Variants in TRDN observed in about 807,000 individuals in gnomAD.
TRDN encodes the protein triadin, also known as triadin in skeletal muscle.
In TRDN, 161 loss-of-function variants were observed where a neutral mutation model predicts 149.7. The ratio of observed to expected loss-of-function variants is 1.08; its 90% CI spans 0.95 to 1.23. TRDN has a LOEUF of 1.23. TRDN is among the 50% of genes most tolerant of loss of function. TRDN has a pLI of 0.00. For missense variants in TRDN, 896 were observed against 823.5 expected (o/e 1.09, Z -1.08); for synonymous variants, 294 against 250.5 (o/e 1.17, Z -1.64).
intron 20 of TRDN, among the ~76,000 whole-genome samples, chr6:123,362,143 T>C (rs1176540316): frequency 1.3e-5 from 2 of 152,184 alleles, no homozygotes; most frequent in Non-Finnish European, 2.9e-5. Flanking sequence ...TTTTCTTTTC[T>C]TCCCTCCCAA....
chr6:123,223,855 C>T (rs1775254235), intron 39 of TRDN, among the ~76,000 whole-genome samples: 2 of 151,518 alleles, frequency 1.3e-5, no homozygotes, highest in African/African-American at 4.8e-5. Context: ...CAAATAAATG[C>T]ATCTGACAAT....
At chr6:123,512,035 G>A (rs1430002651) in intron 7 of TRDN, among the ~76,000 whole-genome samples, 1 of 146,838 alleles carries the variant, frequency 6.8e-6, no homozygotes, top group Admixed American at 6.9e-5. Context: ...CCATAGGGAT[G>A]ACACCAAGGG....
intron 19 of TRDN, 50 bp downstream of exon 19, chr6:123,375,555 T>C: frequency 6.7e-7 from 1 of 1,485,668 alleles, no homozygotes; most frequent in Non-Finnish European, 9.1e-7. Context: ...AAAATTCAAA[T>C]GAGTAAGCTG....
intron 10 of TRDN, among the ~76,000 whole-genome samples, chr6:123,454,826 G>C (rs1364798351): frequency 6.6e-6 from 1 of 152,218 alleles, no homozygotes. Flanking sequence ...AAGTGGAACA[G>C]TTTCATCCTG....
At chr6:123,356,503 T>TTATA (rs71021444) in intron 20 of TRDN, among the ~76,000 whole-genome samples, 1,583 of 106,248 alleles carry the variant, frequency 0.015, 32 homozygotes, top group Non-Finnish European at 0.019. Context: ...TACAAGAAGT[T>TTATA]TATATATATA....
intron 21 of TRDN, among the ~76,000 whole-genome samples, chr6:123,346,168 GT>G: frequency 6.6e-6 from 1 of 152,056 alleles, no homozygotes; most frequent in East Asian, 1.9e-4. Context: ...TAGGATTTTT[GT>G]AAAAATTATT....
At chr6:123,443,905 C>T (rs1775109671) in intron 10 of TRDN, among the ~76,000 whole-genome samples, 3 of 150,964 alleles carry the variant, frequency 2.0e-5, no homozygotes. Context: ...CAGTACCATG[C>T]TGTTTTGGTT....
intron 19 of TRDN, among the ~76,000 whole-genome samples, chr6:123,372,687 T>G (rs1267484342): frequency 2.6e-5 from 4 of 152,160 alleles, no homozygotes; most frequent in African/African-American, 9.6e-5. Flanking sequence ...TCACATATAT[T>G]TGGTAAACAA....
intron 38 of TRDN, among the ~76,000 whole-genome samples, chr6:123,247,745 C>G (rs1351903095): frequency 6.6e-6 from 1 of 152,106 alleles, no homozygotes; most frequent in African/African-American, 2.4e-5. Flanking sequence ...ATTAGAAAAA[C>G]TACTTTAGAT....
At chr6:123,454,159 G>C (rs1775963935) in intron 10 of TRDN, among the ~76,000 whole-genome samples, 1 of 151,982 alleles carries the variant, frequency 6.6e-6, no homozygotes. Flanking sequence ...AGGGACAAAA[G>C]ACTACAAATA....
chr6:123,256,332 C>T (rs1776562356), intron 35 of TRDN, among the ~76,000 whole-genome samples: 1 of 152,100 alleles, frequency 6.6e-6, no homozygotes, highest in Non-Finnish European at 1.5e-5. Context: ...TTTATGCAGT[C>T]TATCATTGAT....
At chr6:123,407,634 G>A (rs188345130) in intron 12 of TRDN, among the ~76,000 whole-genome samples, 1 of 151,910 alleles carries the variant, frequency 6.6e-6, no homozygotes, top group Admixed American at 6.6e-5. Flanking sequence ...CTGTGACTAT[G>A]GACAATACAT....
At chr6:123,465,024 T>C in intron 9 of TRDN, 41 bp from the exon 10 acceptor site, 2 of 1,536,976 alleles carry the variant, frequency 1.3e-6, no homozygotes, top group Non-Finnish European at 1.8e-6. Flanking sequence ...AAAAAAGTAT[T>C]AACAAATCTA....
chr6:123,255,054 C>T (rs1413992069), intron 37 of TRDN, 27 bp downstream of exon 37: 2 of 1,244,242 alleles, frequency 1.6e-6, no homozygotes, highest in East Asian at 2.6e-5. Context: ...TTCATACAAA[C>T]ATAGTAGTTA....
intron 19 of TRDN, among the ~76,000 whole-genome samples, chr6:123,373,242 T>C (rs1206344375): frequency 1.3e-5 from 2 of 152,134 alleles, no homozygotes; most frequent in Non-Finnish European, 2.9e-5. Flanking sequence ...GTTCTCGTGA[T>C]AGTGAATAAG....
At chr6:123,322,623 TTA>T (rs1779284278) in intron 23 of TRDN, among the ~76,000 whole-genome samples, 1 of 94,426 alleles carries the variant, frequency 1.1e-5, no homozygotes, top group Non-Finnish European at 2.0e-5. Flanking sequence ...TTTATTATTA[TTA>T]TTATTATTAT....
At chr6:123,620,567 A>C (rs1785332254) in intron 1 of TRDN, among the ~76,000 whole-genome samples, 1 of 152,122 alleles carries the variant, frequency 6.6e-6, no homozygotes. Flanking sequence ...TTTGGAGGTA[A>C]TACAATATAG....
intron 18 of TRDN, among the ~76,000 whole-genome samples, chr6:123,376,226 A>G (rs1362604029): frequency 6.6e-6 from 1 of 152,150 alleles, no homozygotes; most frequent in Non-Finnish European, 1.5e-5. Context: ...TGCACACACT[A>G]TCTTAGGTTC....
intron 19 of TRDN, among the ~76,000 whole-genome samples, chr6:123,369,718 ACT>A (rs1451020115): frequency 3.3e-5 from 5 of 151,960 alleles, no homozygotes; most frequent in African/African-American, 1.2e-4. Context: ...ACCAGCACAT[ACT>A]CATCCATTTT....
Sources: gnomAD v4.1 joint callset for allele counts (sites outside exome capture counted in the v4.1 genomes callset) on GRCh38, gnomAD v4.1.1 for gene constraint, MANE v1.5 for transcripts, NCBI Gene and HGNC (gene_info 2026-07-23, HGNC 2026-07-21) for gene names.